SGCD: variants seen among roughly 807,000 people sequenced by gnomAD.
The protein encoded by SGCD is delta-sarcoglycan.
In SGCD, 18 loss-of-function variants were observed where a neutral mutation model predicts 36.6. The observed-to-expected ratio is 0.49, with a 90% confidence interval of 0.34 to 0.73. The LOEUF is 0.73. Ranked by LOEUF, SGCD falls within the 30% of genes least tolerant of loss-of-function variation. SGCD has a pLI of 0.01. For synonymous variants in SGCD, 133 were observed against 130.6 expected (o/e 1.02, Z -0.12); for missense variants, 387 against 346.7 (o/e 1.12, Z -0.92).
At chr5:156,529,530 G>A (rs559558844) in intron 4 of SGCD, among the ~76,000 whole-genome samples, 3 of 144,452 alleles carry the variant, frequency 2.1e-5, no homozygotes. Flanking sequence ...AAATGTTGCT[G>A]TAAAAAAAAA....
chr5:156,668,050 C>T (rs1468220891), intron 7 of SGCD, among the ~76,000 whole-genome samples: 2 of 152,132 alleles, frequency 1.3e-5, no homozygotes, highest in African/African-American at 4.8e-5. Flanking sequence ...ACTATGTGAA[C>T]ATATTAACGT....
chr5:155,818,363 G>A, the SGCD span, among the ~76,000 whole-genome samples: 1 of 152,104 alleles, frequency 6.6e-6, no homozygotes, highest in African/African-American at 2.4e-5. Context: ...AGCAACAGGT[G>A]TGCAGGGAGG....
intron 6 of SGCD, among the ~76,000 whole-genome samples, chr5:156,624,587 T>C (rs1329090612): frequency 6.6e-6 from 1 of 151,902 alleles, no homozygotes; most frequent in Admixed American, 6.6e-5. Flanking sequence ...TCTCAAAAAA[T>C]AAAAATAAAA....
chr5:156,102,568 T>C (rs912701988), intron 1 of SGCD, among the ~76,000 whole-genome samples: 1 of 152,194 alleles, frequency 6.6e-6, no homozygotes, highest in African/African-American at 2.4e-5. Context: ...AAGCAGCTGA[T>C]GTATGCATCC....
At chr5:156,239,454 A>G (rs928673675) in intron 3 of SGCD, among the ~76,000 whole-genome samples, 7 of 151,744 alleles carry the variant, frequency 4.6e-5, no homozygotes, top group Admixed American at 6.6e-5. Flanking sequence ...GGAATAGTAT[A>G]GTGCAAAGTA....
chr5:156,494,865 C>T (rs2127854217), intron 3 of SGCD, among the ~76,000 whole-genome samples: 1 of 152,228 alleles, frequency 6.6e-6, no homozygotes, highest in East Asian at 1.9e-4. Flanking sequence ...TGTACTCAGA[C>T]CTTCCCAGGC....
chr5:156,394,720 G>A (rs570001051), intron 3 of SGCD, among the ~76,000 whole-genome samples: 4 of 152,246 alleles, frequency 2.6e-5, no homozygotes, highest in African/African-American at 4.8e-5. Context: ...AAATTAAAAC[G>A]TTTGTGTTTT....
At chr5:156,439,893 A>T (rs1002154862) in intron 3 of SGCD, among the ~76,000 whole-genome samples, 8 of 152,144 alleles carry the variant, frequency 5.3e-5, no homozygotes, top group Admixed American at 3.3e-4. Flanking sequence ...AAGATTTCCC[A>T]TTTGTGCCTT....
At chr5:156,061,888 A>G (rs2127584145) in intron 1 of SGCD, among the ~76,000 whole-genome samples, 1 of 140,926 alleles carries the variant, frequency 7.1e-6, no homozygotes, top group African/African-American at 2.5e-5. Flanking sequence ...GGCAGGTAAA[A>G]GATATTTGGT....
At chr5:156,189,792 G>A (rs184832773) in intron 3 of SGCD, among the ~76,000 whole-genome samples, 25 of 152,238 alleles carry the variant, frequency 1.6e-4, no homozygotes, top group African/African-American at 4.1e-4. Flanking sequence ...AGAACAGGGC[G>A]TATTAAAGCG....
At chr5:156,397,071 AAGAGTAT>A (rs753671556) in intron 3 of SGCD, among the ~76,000 whole-genome samples, 15 of 152,202 alleles carry the variant, frequency 9.9e-5, no homozygotes, top group Non-Finnish European at 2.1e-4. Flanking sequence ...CCCTGGAGGA[AAGAGTAT>A]TGATCAGGTT....
At chr5:156,241,251 CGTGTGTGTGTGTGTGT>C (rs60843726) in intron 3 of SGCD, among the ~76,000 whole-genome samples, 2 of 145,060 alleles carry the variant, frequency 1.4e-5, no homozygotes, top group Non-Finnish European at 1.5e-5. Flanking sequence ...TAGACCAAAA[CGTGTGTGTGTGTGTGT>C]GTGTGTGTGT....
chr5:156,106,178 A>G (rs1299024237), intron 1 of SGCD, among the ~76,000 whole-genome samples: 1 of 150,342 alleles, frequency 6.7e-6, no homozygotes, highest in Non-Finnish European at 1.5e-5. Context: ...AATTATGCGC[A>G]GTGATCCAAA....
At chr5:156,473,504 T>A (rs1755056100) in intron 3 of SGCD, among the ~76,000 whole-genome samples, 1 of 152,200 alleles carries the variant, frequency 6.6e-6, no homozygotes, top group Non-Finnish European at 1.5e-5. Flanking sequence ...TTACTTCTGT[T>A]ATTTTCTATG....
intron 3 of SGCD, among the ~76,000 whole-genome samples, chr5:156,157,530 A>T (rs1762992586): frequency 6.6e-6 from 1 of 151,814 alleles, no homozygotes; most frequent in African/African-American, 2.4e-5. Context: ...CCACTTTGCC[A>T]TAAACTCTAC....
At chr5:156,468,889 G>A (rs1754832978) in intron 3 of SGCD, among the ~76,000 whole-genome samples, 1 of 152,152 alleles carries the variant, frequency 6.6e-6, no homozygotes, top group African/African-American at 2.4e-5. Flanking sequence ...CTACTCAGGA[G>A]ACTGAGGCAG....
chr5:156,407,119 C>T (rs1316808057), intron 3 of SGCD, among the ~76,000 whole-genome samples: 1 of 152,032 alleles, frequency 6.6e-6, no homozygotes, highest in Admixed American at 6.5e-5. Context: ...GGTGGGTCTG[C>T]CTTCCCCAGC....
At chr5:156,311,249 C>G (rs1180612762) in intron 3 of SGCD, among the ~76,000 whole-genome samples, 1 of 152,140 alleles carries the variant, frequency 6.6e-6, no homozygotes, top group Non-Finnish European at 1.5e-5. Context: ...GTCTTAAAAT[C>G]TGTCATTTCA....
chr5:156,053,947 G>T lies in SGCD; in HGVS notation c.-281-63931G>T, dbSNP rs1000552496. On this transcript the variant is annotated intron_variant, in intron 1 of 9. Transcript: ENST00000517913. Reference sequence around the variant, plus strand: ...TCTGAGCTGCTTCTGTAGGGGCACTGATTCCATTGACGAGGGTAGAGTTCT... The same window carrying T: ...TCTGAGCTGCTTCTGTAGGGGCACTTATTCCATTGACGAGGGTAGAGTTCT... Among the ~76,000 whole-genome samples, 4 of 145,552 alleles carry T rather than the reference G, an allele frequency of 2.7e-5. 1 individual carries two copies. The highest frequency in any genetic ancestry group is 9.9e-5 in the African/African-American group (4 of 40,466).
Sources: gnomAD v4.1 joint callset for allele counts (sites outside exome capture counted in the v4.1 genomes callset) on GRCh38, gnomAD v4.1.1 for gene constraint, MANE v1.5 for transcripts, NCBI Gene and HGNC (gene_info 2026-07-23, HGNC 2026-07-21) for gene names.